The following MYOM3 variants were observed in gnomAD, a reference collection of about 807,000 sequenced individuals.
The protein encoded by MYOM3 is myomesin-3.
A neutral mutation model predicts 191.7 loss-of-function variants in MYOM3; 155 were observed. That is an observed-to-expected ratio of 0.81 (90% confidence interval 0.71 to 0.92). The LOEUF is 0.92. MYOM3 is among the 40% of genes least tolerant of loss of function. The pLI, the probability that MYOM3 is intolerant of heterozygous loss-of-function variation, is 0.00. For missense variants in MYOM3, 1,889 were observed against 1,890.6 expected (o/e 1.00, Z 0.02); for synonymous variants, 757 against 762.9 (o/e 0.99, Z 0.13).
chr1:24,067,313 T>C (rs143704264), intron 27 of MYOM3, among the ~76,000 whole-genome samples: 7,798 of 113,070 alleles, frequency 0.069, 881 homozygotes, highest in African/African-American at 0.14. Flanking sequence ...TCCTTCTTTC[T>C]TTCTTTCTTT....
Position 24,064,114 on chromosome 1 carries a change from C to T in MYOM3, c.3580G>A (p.Asp1194Asn), listed in dbSNP as rs142799431. The part of the protein sequence containing the change: ...KGIYRAMVSD[D>N]RGEDDTILDL... ...AATATGGTGTCGTCCTCCCCTCGAT[C>T]GTCAGAAACCATCGCTCTGTAAATT... The change falls in exon 30 of 37, where the codon GAT (aspartate) becomes AAT (asparagine). Residue 1194 changes from aspartate to asparagine, a missense_variant. Transcript: ENST00000374434. The T allele has an allele frequency of 2.1e-4, 334 of 1,614,078 alleles. 3 individuals are homozygous for T. In the East Asian group the frequency reaches 5.0e-3, roughly 24 times the overall value.
At chr1:24,086,980 T>C (rs1183901772) in intron 14 of MYOM3, among the ~76,000 whole-genome samples, 153 bp from the exon 15 acceptor site, 2 of 152,176 alleles carry the variant, frequency 1.3e-5, no homozygotes, top group Non-Finnish European at 2.9e-5. Context: ...CTGCCCCATC[T>C]GCCTCCTCAC....
chr1:24,088,250 A>C (rs1272729248), intron 14 of MYOM3, among the ~76,000 whole-genome samples: 1 of 152,154 alleles, frequency 6.6e-6, no homozygotes, highest in African/African-American at 2.4e-5. Context: ...TTTTCCCCCC[A>C]CAAGCCCATC....
At chr1:24,075,562 T>A in intron 21 of MYOM3, 87 bp from the exon 22 acceptor site, 2 of 1,366,656 alleles carry the variant, frequency 1.5e-6, no homozygotes, top group Non-Finnish European at 2.0e-6. Context: ...CTCCAGGGCC[T>A]GCCTGTTGCA....
intron 22 of MYOM3, among the ~76,000 whole-genome samples, 190 bp downstream of exon 22, chr1:24,075,129 C>T (rs1019326157): frequency 2.7e-5 from 4 of 150,852 alleles, no homozygotes; most frequent in African/African-American, 7.5e-5. Flanking sequence ...AGCACCATTG[C>T]AGCCGCTTAA....
rs781669902 is a variant in MYOM3 at position 24,107,241 on chromosome 1, A to G, written c.243-9T>C. ...GTCTCAGCTGGGCTTCCCTGCCGTG[A>G]CAGAGGCCATCGGGGCTCAGGCAGG... On this transcript the variant is annotated splice_polypyrimidine_tract_variant and intron_variant, in intron 3 of 36. Coordinates refer to ENST00000374434, the MANE Select transcript of MYOM3 (RefSeq NM_152372.4). The G allele has an allele frequency of 3.8e-6, 6 of 1,591,564 alleles. No homozygotes were observed. The East Asian group carries it at 9.1e-5, about 24-fold the overall frequency.
At position 24,063,582 on chromosome 1, in the gene MYOM3, G is replaced by A. The variant is rs1643399174; in HGVS notation, c.3623-52C>T. The A allele has an allele frequency of 6.2e-7, 1 of 1,605,308 alleles. No individual in the cohort carries two copies. Among genetic ancestry groups the A allele is most frequent in the South Asian group, 1.1e-5 (1 of 90,850 alleles). The stretch of plus-strand genomic sequence containing the variant: ...GCTGGCATAGGGCTCCCCTAGGGAT[G>A]TGCTAGGAGTGGGGACATCCTAGAA... On this transcript the variant is annotated intron_variant, in intron 30 of 36. Transcript: ENST00000374434. This position sits in a 1 kb window ranked among gnomAD's most constrained non-coding sequence, Gnocchi z 4.5.
At chr1:24,079,916 T>G in intron 20 of MYOM3, 100 bp downstream of exon 20, 9 of 1,090,664 alleles carry the variant, frequency 8.3e-6, no homozygotes, top group Non-Finnish European at 9.1e-6. Flanking sequence ...TCTGCTTCCA[T>G]TAAGTGAGAG....
intron 7 of MYOM3, among the ~76,000 whole-genome samples, chr1:24,097,694 T>G (rs576379613): frequency 6.6e-6 from 1 of 152,352 alleles, no homozygotes; most frequent in Admixed American, 6.5e-5. Context: ...CAGGTGATCC[T>G]GCCTCACTCA....
chr1:24,107,366 T>A, intron 3 of MYOM3, 134 bp from the exon 4 acceptor site: 1 of 755,022 alleles, frequency 1.3e-6, no homozygotes, highest in Non-Finnish European at 2.1e-6. Flanking sequence ...TTTTGCATCT[T>A]CCCTTGCCTC....
At chr1:24,100,159 G>A (rs978550758) in intron 5 of MYOM3, among the ~76,000 whole-genome samples, 1 of 152,136 alleles carries the variant, frequency 6.6e-6, no homozygotes, top group African/African-American at 2.4e-5. Flanking sequence ...GTGAACCACC[G>A]CGCCTGGCCT....
chr1:24,100,881 C>T (rs867998703), intron 5 of MYOM3, among the ~76,000 whole-genome samples: 2 of 147,984 alleles, frequency 1.4e-5, no homozygotes, highest in Non-Finnish European at 3.0e-5. Context: ...AGCGAGACTC[C>T]GTCTCAAAAA....
chr1:24,107,320 G>A (rs1643992947), intron 3 of MYOM3, 88 bp from the exon 4 acceptor site: 7 of 1,230,442 alleles, frequency 5.7e-6, no homozygotes, highest in East Asian at 2.7e-5. Flanking sequence ...GCCCAGCAGT[G>A]CCAGGATGCT....
At chr1:24,090,002 G>A (rs1643796399) in intron 13 of MYOM3, 63 bp downstream of exon 13, 1 of 1,531,898 alleles carries the variant, frequency 6.5e-7, no homozygotes. Flanking sequence ...CTCTTTGCCA[G>A]CTCATGTCCC....
chr1:24,089,856 A>T lies in MYOM3; in HGVS notation c.1487-191T>A, dbSNP rs1000425134. ...ACCCAGGTCTCCCACTGCTCTGGCCAGGACTTTTCCCAATGTGTTCCCTCC... is the reference window on the plus strand; with the variant it reads ...ACCCAGGTCTCCCACTGCTCTGGCCTGGACTTTTCCCAATGTGTTCCCTCC... On this transcript the variant is annotated intron_variant, in intron 13 of 36. Transcript: ENST00000374434. Among the ~76,000 whole-genome samples, 4 of 152,176 alleles carry T rather than the reference A, an allele frequency of 2.6e-5. No individual in the cohort carries two copies. The East Asian group carries it at 7.7e-4, about 29-fold the overall frequency.
intron 20 of MYOM3, among the ~76,000 whole-genome samples, chr1:24,077,214 A>G (rs368530702): frequency 6.6e-5 from 10 of 152,268 alleles, no homozygotes; most frequent in Admixed American, 3.9e-4. Context: ...GGGCAGTCCA[A>G]CAGTTTCCTA....
At position 24,108,455 on chromosome 1, in the gene MYOM3, CG is replaced by C. The variant is rs1644013022; in HGVS notation, c.161+20del. On this transcript the variant is annotated intron_variant, in intron 2 of 36. Coordinates refer to ENST00000374434, the MANE Select transcript of MYOM3 (RefSeq NM_152372.4). ...CCCTGGGAACAGGGCAGTGGCTGGG[CG>C]GGGACCCTGTGGCTCCCACCTGCTG... The C allele has an allele frequency of 7.2e-6, 11 of 1,531,202 alleles. No individual in the cohort carries two copies. The Middle Eastern group carries it at 6.5e-4, about 90-fold the overall frequency. 94.9% of individuals were successfully genotyped at this position (1,531,202 alleles called of 1,614,324 possible).
chr1:24,075,533 A>T, intron 21 of MYOM3, 58 bp from the exon 22 acceptor site: 8 of 1,484,788 alleles, frequency 5.4e-6, no homozygotes, highest in Non-Finnish European at 7.2e-6. Context: ...ACCAGGTCAC[A>T]CCCCTCCCCT....
chr1:24,103,816 C>A (rs570116897), intron 5 of MYOM3, among the ~76,000 whole-genome samples: 1 of 146,942 alleles, frequency 6.8e-6, no homozygotes. Context: ...GCACAGATCT[C>A]CCCCCGCCCC....
Sources: allele counts gnomAD v4.1 joint callset (sites outside exome capture counted in the v4.1 genomes callset), GRCh38; gene constraint gnomAD v4.1.1; non-coding constraint Gnocchi (gnomAD v3.1); transcripts MANE v1.5; gene names NCBI Gene and HGNC (gene_info 2026-07-23, HGNC 2026-07-21).